IL1RAPL1: variants seen among roughly 807,000 people sequenced by gnomAD.
The protein encoded by IL1RAPL1 is interleukin-1 receptor accessory protein-like 1.
IL1RAPL1 carries 3 observed loss-of-function variants against 48.4 expected under a neutral mutation model. The ratio of observed to expected loss-of-function variants is 0.06; its 90% CI spans 0.03 to 0.16. The LOEUF is 0.16. Ranked by LOEUF, IL1RAPL1 falls within the 10% of genes least tolerant of loss-of-function variation. The probability of loss-of-function intolerance (pLI) is 1.00; values close to 1 mark genes in which losing one functional copy is unlikely to be tolerated. For synonymous variants in IL1RAPL1, 185 were observed against 187.7 expected (o/e 0.99, Z 0.12); for missense variants, 349 against 530.6 (o/e 0.66, Z 3.36).
intron 5 of IL1RAPL1, among the ~76,000 whole-genome samples, chrX:29,493,935 C>T (rs944418225): frequency 1.8e-5 from 2 of 111,443 alleles, no homozygotes; most frequent in Admixed American, 1.9e-4. Context: ...CGCTCTGTTG[C>T]CCAGGCTGGA....
intron 5 of IL1RAPL1, among the ~76,000 whole-genome samples, chrX:29,449,780 C>CACAGAG (rs557765024): frequency 5.2e-5 from 3 of 58,245 alleles, no homozygotes; most frequent in African/African-American, 2.2e-4. Context: ...CACACACACA[C>CACAGAG]AGAGAGAGAG....
chrX:29,123,774 G>T lies in IL1RAPL1; in HGVS notation c.83-159164G>T, dbSNP rs1160492593. Among the ~76,000 whole-genome samples, 4 of 111,976 alleles carry T rather than the reference G, an allele frequency of 3.6e-5. No individual in the cohort carries two copies. In the Admixed American group the frequency reaches 3.8e-4, roughly 11 times the overall value. On this transcript the variant is annotated intron_variant, in intron 2 of 10. Transcript: ENST00000378993. Reference sequence around the variant, plus strand: ...CCCATGTGGCTGTTGAGCACTTGAAGTGTGGCTAGTAGACTGAGACATGTT... The same window carrying T: ...CCCATGTGGCTGTTGAGCACTTGAATTGTGGCTAGTAGACTGAGACATGTT...
chrX:29,539,959 A>C (rs865857418), intron 5 of IL1RAPL1, among the ~76,000 whole-genome samples: 9 of 112,010 alleles, frequency 8.0e-5, no homozygotes, highest in Middle Eastern at 9.2e-3. Context: ...AAGAAATAAA[A>C]GGCATCCAGA....
At chrX:29,148,950 A>C (rs1025349518) in intron 2 of IL1RAPL1, among the ~76,000 whole-genome samples, 1 of 111,229 alleles carries the variant, frequency 9.0e-6, no homozygotes, top group Non-Finnish European at 1.9e-5. Flanking sequence ...CAGTCCTGTC[A>C]ATACCAGCAC....
chrX:29,383,551 A>T (rs1200852260), intron 3 of IL1RAPL1, among the ~76,000 whole-genome samples: 5 of 112,116 alleles, frequency 4.5e-5, no homozygotes, highest in African/African-American at 9.7e-5. Flanking sequence ...GAGCATGTTT[A>T]TGTTTATAAA....
At chrX:29,248,660 A>G (rs771199530) in intron 2 of IL1RAPL1, among the ~76,000 whole-genome samples, 6 of 112,328 alleles carry the variant, frequency 5.3e-5, no homozygotes, top group African/African-American at 1.6e-4. Flanking sequence ...CGGATTAACA[A>G]AGTTAAAAAA....
At chrX:28,936,165 A>G (rs1450735426) in intron 2 of IL1RAPL1, among the ~76,000 whole-genome samples, 1 of 110,951 alleles carries the variant, frequency 9.0e-6, no homozygotes, top group Non-Finnish European at 1.9e-5. Flanking sequence ...CGAGCATCCT[A>G]TGACTTGTCT....
intron 2 of IL1RAPL1, among the ~76,000 whole-genome samples, chrX:28,947,532 A>G (rs1369420957): frequency 9.1e-6 from 1 of 110,150 alleles, no homozygotes; most frequent in Non-Finnish European, 1.9e-5. Flanking sequence ...GAAGGGGAAC[A>G]TCACACACCG....
chrX:28,617,586 T>A (rs1934236055), intron 1 of IL1RAPL1, among the ~76,000 whole-genome samples: 1 of 111,839 alleles, frequency 8.9e-6, no homozygotes, highest in Non-Finnish European at 1.9e-5. Flanking sequence ...GCTTGATAAA[T>A]GGCAATCCTC....
At chrX:29,912,337 A>C (rs1195749374) in intron 6 of IL1RAPL1, among the ~76,000 whole-genome samples, 2 of 112,086 alleles carry the variant, frequency 1.8e-5, no homozygotes, top group African/African-American at 6.5e-5. Flanking sequence ...GAAAGTTCAA[A>C]GGATATTAAG....
At chrX:29,725,315 G>T (rs757695437) in intron 6 of IL1RAPL1, among the ~76,000 whole-genome samples, 1 of 111,033 alleles carries the variant, frequency 9.0e-6, no homozygotes, top group South Asian at 3.8e-4. Context: ...ACTGTTACTT[G>T]TTGCAAATAA....
chrX:28,914,487 T>C (rs1169201593), intron 2 of IL1RAPL1, among the ~76,000 whole-genome samples: 1 of 112,147 alleles, frequency 8.9e-6, no homozygotes, highest in Non-Finnish European at 1.9e-5. Flanking sequence ...TCTTATTACT[T>C]CTTTTGTCAA....
chrX:29,870,718 T>G (rs907728699), intron 6 of IL1RAPL1, among the ~76,000 whole-genome samples: 11 of 111,929 alleles, frequency 9.8e-5, no homozygotes, highest in Non-Finnish European at 1.9e-5. Flanking sequence ...GACTCATATC[T>G]CAGACTCAAG....
chrX:29,318,877 T>C (rs1034596813), intron 3 of IL1RAPL1, among the ~76,000 whole-genome samples: 4 of 111,956 alleles, frequency 3.6e-5, no homozygotes, highest in African/African-American at 1.3e-4. Context: ...AAAAAATATT[T>C]TCAGGGAAGT....
intron 8 of IL1RAPL1, among the ~76,000 whole-genome samples, chrX:29,932,412 GCAAA>G (rs1039260898): frequency 8.9e-6 from 1 of 111,742 alleles, no homozygotes; most frequent in African/African-American, 3.3e-5. Context: ...CCATGAATCC[GCAAA>G]CAAATATTTA....
At chrX:29,749,684 A>G (rs1928413012) in intron 6 of IL1RAPL1, among the ~76,000 whole-genome samples, 1 of 104,637 alleles carries the variant, frequency 9.6e-6, no homozygotes, top group African/African-American at 3.8e-5. Context: ...GCTCTCAGAT[A>G]GCCAGACTTT....
chrX:29,802,761 A>ATATATATATATG (rs1569172589), intron 6 of IL1RAPL1, among the ~76,000 whole-genome samples: 18 of 22,624 alleles, frequency 8.0e-4, no homozygotes, highest in African/African-American at 4.8e-3. Flanking sequence ...ATATATATAT[A>ATATATATATATG]TATATATATA....
chrX:29,865,636 C>CTT (rs1171882981), intron 6 of IL1RAPL1, among the ~76,000 whole-genome samples: 53 of 76,329 alleles, frequency 6.9e-4, no homozygotes, highest in Non-Finnish European at 9.7e-4. Context: ...CTTTTCTTTT[C>CTT]TTTTTTTTTT....
chrX:28,598,987 C>T (rs1278670556), intron 1 of IL1RAPL1, among the ~76,000 whole-genome samples: 2 of 108,788 alleles, frequency 1.8e-5, no homozygotes, highest in African/African-American at 6.6e-5. Flanking sequence ...TGCCTGTAAC[C>T]CCAGCACTTT....
Sources: allele counts gnomAD v4.1 joint callset (sites outside exome capture counted in the v4.1 genomes callset), GRCh38; gene constraint gnomAD v4.1.1; transcripts MANE v1.5; gene names NCBI Gene and HGNC (gene_info 2026-07-23, HGNC 2026-07-21).